The following HECTD4 variants were observed in gnomAD, a reference collection of about 807,000 sequenced individuals.
HECTD4 encodes HECT domain E3 ubiquitin protein ligase 4, also known as probable E3 ubiquitin-protein ligase HECTD4.
A neutral mutation model predicts 471.5 loss-of-function variants in HECTD4; 114 were observed. The ratio of observed to expected loss-of-function variants is 0.24; its 90% CI spans 0.21 to 0.28. The LOEUF (loss-of-function observed/expected upper bound fraction) is 0.28, where lower values mean the gene tolerates loss of function less well. Ranked by LOEUF, HECTD4 falls within the 10% of genes least tolerant of loss-of-function variation. The pLI, the probability that HECTD4 is intolerant of heterozygous loss-of-function variation, is 1.00. For synonymous variants in HECTD4, 2,012 were observed against 2,256.0 expected (o/e 0.89, Z 3.07); for missense variants, 3,866 against 5,651.5 (o/e 0.68, Z 10.13).
intron 13 of HECTD4, 140 bp from the exon 14 acceptor site, chr12:112,267,122 G>T (rs569223656): frequency 4.9e-6 from 3 of 611,880 alleles, no homozygotes; most frequent in Non-Finnish European, 8.8e-6. Context: ...CCCATTGATC[G>T]CTGGGGTTGA....
chr12:112,165,921 G>A (rs1328126178), intron 72 of HECTD4, among the ~76,000 whole-genome samples: 1 of 152,202 alleles, frequency 6.6e-6, no homozygotes, highest in South Asian at 2.1e-4. Flanking sequence ...GTCTAAGCCT[G>A]GAGTCTCCTT....
intron 4 of HECTD4, among the ~76,000 whole-genome samples, chr12:112,310,538 C>A (rs1384286526): frequency 6.6e-6 from 1 of 152,172 alleles, no homozygotes; most frequent in Non-Finnish European, 1.5e-5. Context: ...ATTCTGCTCA[C>A]TATGTTTAAG....
intron 1 of HECTD4, among the ~76,000 whole-genome samples, chr12:112,343,497 T>C (rs2036088824): frequency 6.6e-6 from 1 of 152,156 alleles, no homozygotes; most frequent in Non-Finnish European, 1.5e-5. Context: ...AGGCTGTGCA[T>C]GGTGGCTCAG....
In HECTD4 at chr12:112,192,711, G is replaced by A; in HGVS notation, c.9141C>T (p.His3047=). The A allele has an allele frequency of 6.3e-7, 1 of 1,599,802 alleles. No individual in the cohort carries two copies. Among genetic ancestry groups the A allele is most frequent in the Non-Finnish European group, 8.5e-7 (1 of 1,173,662 alleles). The change falls in exon 59 of 76, where the codon CAC becomes CAT. Residue 3047 remains histidine (H), a synonymous_variant. Coordinates refer to ENST00000682272, the MANE Select transcript of HECTD4 (RefSeq NM_001388303.1). ...WARVLVYGLG[H]KVKRNGQLNL... is the part of the protein sequence containing the mutation. Reference sequence around the variant, plus strand: ...TCAGCTGGCCATTTCGCTTCACTTTGTGGCCGAGGCCATATACGAGCACCC... The same window carrying A: ...TCAGCTGGCCATTTCGCTTCACTTTATGGCCGAGGCCATATACGAGCACCC...
At chr12:112,347,381 C>T (rs1284374439) in intron 1 of HECTD4, among the ~76,000 whole-genome samples, 17 of 152,012 alleles carry the variant, frequency 1.1e-4, no homozygotes, top group African/African-American at 3.4e-4. Context: ...TGATGGAGCA[C>T]GCTTGTAATC....
rs2035403066 is a variant in HECTD4 at position 112,313,088 on chromosome 12, A to G, written c.845T>C (p.Ile282Thr). 6.5e-7 allele frequency: 1 copy of G among 1,535,576 alleles called. No homozygotes were observed. Among genetic ancestry groups the G allele is most frequent in the Non-Finnish European group, 8.7e-7 (1 of 1,146,648 alleles). ...SPSCLLGGKH[I>T]VSWGYEDMLP... The stretch of plus-strand genomic sequence containing the variant: ...CATGTCTTCATAACCCCATGATACT[A>G]TGTGTTTGCCCCCAAGCAAACAGGA... Residue 282 changes from isoleucine to threonine, a missense_variant, in exon 4 of 76, where the codon ATA becomes ACA. By Grantham distance (89) the Ile-to-Thr change is moderately conservative. This residue lies in a region of HECTD4 where 440 missense variants were observed against 636.0 expected (regional missense o/e 0.69). Transcript: ENST00000682272.
intron 1 of HECTD4, among the ~76,000 whole-genome samples, chr12:112,351,229 G>A (rs59345685): frequency 0.013 from 2,014 of 152,270 alleles, 53 homozygotes; most frequent in African/African-American, 0.046. Context: ...CAAATCTCTT[G>A]CTTCCAAATA....
chr12:112,177,298 C>T (rs2031483660), intron 64 of HECTD4, among the ~76,000 whole-genome samples: 1 of 151,890 alleles, frequency 6.6e-6, no homozygotes, highest in South Asian at 2.1e-4. Flanking sequence ...TCTCTGTGTA[C>T]TCGAGAGTCA....
intron 1 of HECTD4, among the ~76,000 whole-genome samples, chr12:112,354,923 A>ATATT (rs1201556933): frequency 6.6e-6 from 1 of 152,104 alleles, no homozygotes; most frequent in Non-Finnish European, 1.5e-5. Context: ...TACAGGTCAA[A>ATATT]TATTTATTCT....
Position 112,243,568 on chromosome 12 carries a change from C to A in HECTD4, c.4792-49G>T, listed in dbSNP as rs2033688781. On this transcript the variant is annotated intron_variant, in intron 31 of 75. Transcript: ENST00000682272. This position sits in a 1 kb window ranked among gnomAD's most constrained non-coding sequence, Gnocchi z 6.6. ...CTGACTCCTGCTAACTGCCGCAAGA[C>A]CCCGCATGCTGTTAGGTGCTATTCA... The A allele has an allele frequency of 6.2e-7, 1 of 1,601,534 alleles. No homozygotes were observed. The highest frequency in any genetic ancestry group is 8.5e-7 in the Non-Finnish European group (1 of 1,173,534).
chr12:112,273,051 A>T (rs79710856), intron 11 of HECTD4, among the ~76,000 whole-genome samples: 98 of 152,298 alleles, frequency 6.4e-4, no homozygotes, highest in African/African-American at 2.1e-3. Context: ...AGGTTTTTTA[A>T]AATGAATAAC....
At position 112,239,837 on chromosome 12, in the gene HECTD4, C is replaced by A. The variant is rs768239126; in HGVS notation, c.5105+44G>T. The A allele has an allele frequency of 1.3e-6, 2 of 1,555,108 alleles. No individual in the cohort carries two copies. Among genetic ancestry groups the A allele is most frequent in the South Asian group, 2.4e-5 (2 of 83,946 alleles). On this transcript the variant is annotated intron_variant, in intron 33 of 75. Transcript: ENST00000682272. This position sits in a 1 kb window ranked among gnomAD's most constrained non-coding sequence, Gnocchi z 4.9. ...AAATACTTTCACTTAATCGACTATA[C>A]TGCAGGGTAACTTACATACAACAAA...
intron 7 of HECTD4, among the ~76,000 whole-genome samples, chr12:112,300,507 T>C (rs2035142000): frequency 6.6e-6 from 1 of 152,196 alleles, no homozygotes; most frequent in Non-Finnish European, 1.5e-5. Flanking sequence ...TAATCTGAAA[T>C]TTCATGATGG....
intron 15 of HECTD4, 42 bp downstream of exon 15, chr12:112,265,834 CTG>C (rs771389907): frequency 7.1e-7 from 1 of 1,414,720 alleles, no homozygotes. Flanking sequence ...AAACTAACGA[CTG>C]AGAACACAAA....
chr12:112,336,227 T>G (rs992628148), intron 1 of HECTD4, among the ~76,000 whole-genome samples: 6 of 152,116 alleles, frequency 3.9e-5, no homozygotes, highest in African/African-American at 1.4e-4. Context: ...GAAAGAATTA[T>G]AGTTTAAAAA....
chr12:112,175,911 G>A (rs376038039), intron 65 of HECTD4, 52 bp from the exon 66 acceptor site: 43 of 1,602,480 alleles, frequency 2.7e-5, no homozygotes, highest in Middle Eastern at 2.1e-4. Context: ...CGCACATCGC[G>A]CGCCTCCAAC....
chr12:112,258,798 A>T (rs1350080667), intron 19 of HECTD4: 1 of 562,136 alleles, frequency 1.8e-6, no homozygotes, highest in African/African-American at 1.9e-5. Context: ...TATATTAGCT[A>T]CTATTAGCTG....
chr12:112,176,006 T>C, intron 65 of HECTD4, 147 bp from the exon 66 acceptor site: 1 of 1,128,394 alleles, frequency 8.9e-7, no homozygotes, highest in Non-Finnish European at 1.3e-6. Flanking sequence ...GAATTGTCAT[T>C]TGCCATTGTG....
intron 9 of HECTD4, among the ~76,000 whole-genome samples, chr12:112,277,466 G>C (rs1463649358): frequency 6.6e-6 from 1 of 152,152 alleles, no homozygotes; most frequent in African/African-American, 2.4e-5. Context: ...AAAAAGAGCT[G>C]GGTCTGGTGT....
Sources: allele counts gnomAD v4.1 joint callset (sites outside exome capture counted in the v4.1 genomes callset), GRCh38; gene constraint gnomAD v4.1.1; regional missense constraint gnomAD v4.1.1; non-coding constraint Gnocchi (gnomAD v3.1); transcripts MANE v1.5; gene names NCBI Gene and HGNC (gene_info 2026-07-23, HGNC 2026-07-21).